The following LDLRAD1 variants were observed in gnomAD, a reference collection of about 807,000 sequenced individuals.
The protein encoded by LDLRAD1 is low density lipoprotein receptor class A domain containing 1, also known as low-density lipoprotein receptor class A domain-containing protein 1.
A neutral mutation model predicts 24.8 loss-of-function variants in LDLRAD1; 17 were observed. That is an observed-to-expected ratio of 0.69 (90% confidence interval 0.47 to 1.03). The LOEUF (loss-of-function observed/expected upper bound fraction) is 1.03, where lower values mean the gene tolerates loss of function less well. Among genes scored for constraint, LDLRAD1 ranks in the 50% least tolerant of loss-of-function variants. The pLI, the probability that LDLRAD1 is intolerant of heterozygous loss-of-function variation, is 0.00. For synonymous variants in LDLRAD1, 103 were observed against 108.2 expected (o/e 0.95, Z 0.30); for missense variants, 277 against 271.0 (o/e 1.02, Z -0.16).
At chr1:54,010,187 T>C (rs1187532540) in intron 5 of LDLRAD1, 95 bp downstream of exon 5, 4 of 1,428,026 alleles carry the variant, frequency 2.8e-6, no homozygotes, top group Non-Finnish European at 3.9e-6. Flanking sequence ...CAGGGAAGCA[T>C]GCAAGGGGGA....
rs945071860 is a variant in LDLRAD1, at chr1:54,012,355, G to T, written c.203-75C>A. ...GACAAACCTTCCTCACCTGAACTCCGCCTAGAGCTGGCCTGAGGGGCTGGG... is the reference window on the plus strand; with the variant it reads ...GACAAACCTTCCTCACCTGAACTCCTCCTAGAGCTGGCCTGAGGGGCTGGG... On this transcript the variant is annotated intron_variant, in intron 3 of 5. Coordinates refer to ENST00000371360, the MANE Select transcript of LDLRAD1 (RefSeq NM_001010978.4). The T allele has an allele frequency of 4.6e-6, 7 of 1,525,162 alleles. No homozygotes were observed. In the South Asian group the frequency reaches 7.9e-5, roughly 17 times the overall value. The allele number at this position is 1,525,162 out of a possible 1,614,324, so 94.5% of individuals were successfully genotyped here.
Position 54,008,881 on chromosome 1 carries a change from C to T in LDLRAD1, c.*101G>A. The T allele has an allele frequency of 1.0e-6, 1 of 993,772 alleles. No individual in the cohort carries two copies. The highest frequency in any genetic ancestry group is 1.4e-6 in the Non-Finnish European group (1 of 723,156). The allele number at this position is 993,772 out of a possible 1,614,324, so 61.6% of individuals were successfully genotyped here. A position where few individuals can be genotyped will look rare whatever the true frequency, so the allele number is the denominator to read the frequency against. On this transcript the variant is annotated 3_prime_UTR_variant, in exon 6 of 6. Transcript: ENST00000371360. ...CAGAAATGATGTGTAGATCCCATTT[C>T]AAAGGCTGCTTCCTGCCCTTGTGCG... is the stretch of plus-strand genomic sequence containing the variant.
rs556997448 is a variant in LDLRAD1 at position 54,017,260 on chromosome 1, G to C, written c.73+116C>G. ...GCTGGGAGCAGACAACGTTAACATG[G>C]AGGCAGAGGTCTGAGGGACAGTGGG... On this transcript the variant is annotated intron_variant, in intron 2 of 5. Transcript: ENST00000371360. 166 of 780,110 alleles carry C rather than the reference G, an allele frequency of 2.1e-4. 2 individuals carry two copies. The African/African-American group carries it at 2.8e-3, about 13-fold the overall frequency. The allele number at this position is 780,110 out of a possible 1,614,324, so 48.3% of individuals were successfully genotyped here.
chr1:54,014,748 C>G (rs76721420), intron 2 of LDLRAD1, among the ~76,000 whole-genome samples: 1 of 152,182 alleles, frequency 6.6e-6, no homozygotes, highest in Non-Finnish European at 1.5e-5. Flanking sequence ...TTCAAAACAA[C>G]CTTTTATTTT....
At chr1:54,016,561 C>T (rs138751196) in intron 2 of LDLRAD1, among the ~76,000 whole-genome samples, 2 of 152,314 alleles carry the variant, frequency 1.3e-5, no homozygotes, top group African/African-American at 4.8e-5. Context: ...CTTTCCACAA[C>T]CCCGCCCATC....
rs1655873494 is a variant in LDLRAD1 at position 54,007,663 on chromosome 1, T to G, written c.*1319A>C. The stretch of plus-strand genomic sequence containing the variant: ...TCTCCCTATGTTGCCCAGGCTGGTC[T>G]CGAACTCCTGGGCTCAAGTGGGACA... On this transcript the variant is annotated 3_prime_UTR_variant, in exon 6 of 6. Transcript: ENST00000371360. 6.6e-6 allele frequency: 1 copy of G among 152,386 alleles called. No individual in the cohort carries two copies. The highest frequency in any genetic ancestry group is 2.4e-5 in the African/African-American group (1 of 41,462). 9.4% of individuals were successfully genotyped at this position (152,386 alleles called of 1,614,324 possible).
In LDLRAD1 at chr1:54,014,333, G is replaced by C. The variant is rs761844221; in HGVS notation, c.105C>G (p.Arg35=). 3 of 1,548,732 alleles carry C rather than the reference G, an allele frequency of 1.9e-6. No individual in the cohort carries two copies. The South Asian group carries it at 3.6e-5, about 18-fold the overall frequency. ...GCAGAGAGGCAGAGAGGCAGGCCCC[G>C]CGACGTGAGCAGCAGAGGTGGCCGC... is the stretch of plus-strand genomic sequence containing the variant. ...AGGGHLCCSR[R]GACLSASLLL... The change falls in exon 3 of 6, where the codon CGC becomes CGG. Residue 35 remains arginine, a synonymous_variant. Coordinates refer to ENST00000371360, the MANE Select transcript of LDLRAD1 (RefSeq NM_001010978.4).
intron 3 of LDLRAD1, among the ~76,000 whole-genome samples, chr1:54,013,426 A>G (rs1323487242): frequency 1.1e-5 from 1 of 94,994 alleles, no homozygotes. Flanking sequence ...TCCTTCAGAA[A>G]CATCAGCCTG....
At chr1:54,017,309 C>G in intron 2 of LDLRAD1, 67 bp downstream of exon 2, 2 of 1,349,592 alleles carry the variant, frequency 1.5e-6, no homozygotes, top group Non-Finnish European at 2.1e-6. Flanking sequence ...CCTCATGTCT[C>G]TATCGCCAAC....
rs1024965281 is a variant in LDLRAD1 at position 54,012,228 on chromosome 1, G to A, written c.255C>T (p.Asp85=). 6.2e-7 allele frequency: 1 copy of A among 1,614,112 alleles called. No homozygotes were observed. Among genetic ancestry groups the A allele is most frequent in the Non-Finnish European group, 8.5e-7 (1 of 1,179,980 alleles). ...LTNRTGFLCH[D]QRSCIPASGV... The stretch of plus-strand genomic sequence containing the variant: ...CACTGGCTGGAATGCAGCTCCTCTG[G>A]TCATGGCACAAGAAGCCTGTCCTGT... The change falls in exon 4 of 6, where the codon GAC becomes GAT. Residue 85 remains aspartate, a synonymous_variant. Coordinates refer to ENST00000371360, the MANE Select transcript of LDLRAD1 (RefSeq NM_001010978.4).
chr1:54,012,260 G>A lies in LDLRAD1; in HGVS notation c.223C>T (p.Leu75=). The A allele has an allele frequency of 6.2e-7, 1 of 1,614,136 alleles. No homozygotes were observed. Among genetic ancestry groups the A allele is most frequent in the South Asian group, 1.1e-5 (1 of 91,078 alleles). The part of the protein sequence containing the change: ...CTPGAQACIT[L]TNRTGFLCHD... ...CACAAGAAGCCTGTCCTGTTTGTCA[G>A]TGTTATACAAGCTTGGGCTCCTGAA... Residue 75 remains leucine, a synonymous_variant, in exon 4 of 6, where the codon CTG becomes TTG. Transcript: ENST00000371360.
At chr1:54,017,952 C>G in intron 1 of LDLRAD1, 140 bp downstream of exon 1, 6 of 803,980 alleles carry the variant, frequency 7.5e-6, no homozygotes. Flanking sequence ...AGATCAGGAG[C>G]CTGGTCAGGG....
chr1:54,010,381 G>A lies in LDLRAD1; in HGVS notation c.370C>T (p.Leu124Phe). ...RDVPQSLPHF[L>F]VAHCGDPASW... is the part of the protein sequence containing the mutation. ...GCCGGGTCTCCACAGTGGGCCACAA[G>A]GAAGTGGGGGAGGCTCTGGGGCACA... The change falls in exon 5 of 6, where the codon CTT becomes TTT. Residue 124 changes from leucine to phenylalanine, a missense_variant. Coordinates refer to ENST00000371360, the MANE Select transcript of LDLRAD1 (RefSeq NM_001010978.4). 1 of 1,614,074 alleles carries A rather than the reference G, an allele frequency of 6.2e-7. No homozygotes were observed. The highest frequency in any genetic ancestry group is 1.3e-5 in the African/African-American group (1 of 75,026).
intron 4 of LDLRAD1, among the ~76,000 whole-genome samples, chr1:54,011,478 C>T (rs1375775383): frequency 6.6e-6 from 1 of 152,070 alleles, no homozygotes; most frequent in Non-Finnish European, 1.5e-5. Flanking sequence ...TTTGAGATTG[C>T]TTCTTGTCCT....
chr1:54,014,601 G>A (rs116454731), intron 2 of LDLRAD1, among the ~76,000 whole-genome samples: 1,815 of 152,282 alleles, frequency 0.012, 37 homozygotes, highest in African/African-American at 0.039. Context: ...TGGCTGAATG[G>A]CAGAGGCGGA....
chr1:54,011,908 A>T (rs746799576), intron 4 of LDLRAD1, among the ~76,000 whole-genome samples: 2 of 152,170 alleles, frequency 1.3e-5, no homozygotes, highest in Non-Finnish European at 2.9e-5. Flanking sequence ...CTCTGCCTTG[A>T]GGGATGAATA....
Position 54,008,900 on chromosome 1 carries a change from T to TAAAAAA in LDLRAD1, c.*81_*82insTTTTTT. 1.0e-5 allele frequency: 12 copies of TAAAAAA among 1,191,182 alleles called. No homozygotes were observed. The highest frequency in any genetic ancestry group is 8.3e-5 in the East Asian group (3 of 36,216). The allele number at this position is 1,191,182 out of a possible 1,614,324, so 73.8% of individuals were successfully genotyped here. ...CCATTTCAAAGGCTGCTTCCTGCCC[T>TAAAAAA]TGTGCGCTAGGATTTGATTTTCATG... On this transcript the variant is annotated 3_prime_UTR_variant, in exon 6 of 6. Transcript: ENST00000371360.
intron 4 of LDLRAD1, among the ~76,000 whole-genome samples, chr1:54,011,220 G>A (rs770327530): frequency 5.9e-5 from 9 of 152,302 alleles, no homozygotes; most frequent in Non-Finnish European, 1.2e-4. Flanking sequence ...TCAAATCCAT[G>A]CAGCACCACC....
Position 54,018,092 on chromosome 1 carries a change from C to T in LDLRAD1, c.21G>A (p.Gln7=). 1 of 1,613,600 alleles carries T rather than the reference C, an allele frequency of 6.2e-7. No homozygotes were observed. The highest frequency in any genetic ancestry group is 8.5e-7 in the Non-Finnish European group (1 of 1,179,634). The part of the protein sequence containing the change: MNKVFP[Q]GENGYTAAES... ...ACTCTCACCTGGGGACAGCTCTCAC[C>T]TGGGGGAAGACCTTGTTCATGTCTT... The change falls in exon 1 of 6, where the codon CAG becomes CAA. Residue 7 remains glutamine (Q), a splice_region_variant and synonymous_variant. Coordinates refer to ENST00000371360, the MANE Select transcript of LDLRAD1 (RefSeq NM_001010978.4).
Sources: gnomAD v4.1 joint callset for allele counts (sites outside exome capture counted in the v4.1 genomes callset) on GRCh38, gnomAD v4.1.1 for gene constraint, MANE v1.5 for transcripts, NCBI Gene and HGNC (gene_info 2026-07-23, HGNC 2026-07-21) for gene names.